The following SOCS7 variants were observed in gnomAD, a reference collection of about 807,000 sequenced individuals.
SOCS7 encodes the protein suppressor of cytokine signaling 7.
A neutral mutation model predicts 58.9 loss-of-function variants in SOCS7; 18 were observed. The observed-to-expected ratio is 0.31, with a 90% CI of 0.21 to 0.45. The LOEUF (loss-of-function observed/expected upper bound fraction) is 0.45. SOCS7 is among the 20% of genes least tolerant of loss of function. The pLI, the probability that SOCS7 is intolerant of heterozygous loss-of-function variation, is 1.00. For synonymous variants in SOCS7, 388 were observed against 364.3 expected (o/e 1.06, Z -0.74); for missense variants, 667 against 837.3 (o/e 0.80, Z 2.51).
chr17:38,368,506 CTT>C (rs11314039), intron 6 of SOCS7, among the ~76,000 whole-genome samples: 13 of 145,746 alleles, frequency 8.9e-5, no homozygotes, highest in Admixed American at 1.4e-4. Flanking sequence ...GAATTTCTTT[CTT>C]TTTTTTTTTT....
chr17:38,392,867 G>T (rs2038189474), intron 7 of SOCS7, among the ~76,000 whole-genome samples: 1 of 152,226 alleles, frequency 6.6e-6, no homozygotes, highest in African/African-American at 2.4e-5. Context: ...TAGGGCAGGT[G>T]TTCAAGGCAG....
intron 7 of SOCS7, among the ~76,000 whole-genome samples, chr17:38,384,884 C>T (rs984164216): frequency 3.9e-4 from 58 of 149,730 alleles, no homozygotes; most frequent in Non-Finnish European, 6.1e-4. Context: ...AGCCACTGCA[C>T]CCAGCTCTTT....
At chr17:38,355,445 G>A (rs1045717914) in intron 1 of SOCS7, among the ~76,000 whole-genome samples, 10 of 152,270 alleles carry the variant, frequency 6.6e-5, no homozygotes, top group Non-Finnish European at 1.3e-4. Context: ...TGGCAGCCTC[G>A]CAGCTGTGAG....
At chr17:38,373,292 A>G (rs2037891140) in intron 6 of SOCS7, among the ~76,000 whole-genome samples, 1 of 152,226 alleles carries the variant, frequency 6.6e-6, no homozygotes. Context: ...TCAAGATAAC[A>G]GAAGACGTAG....
At chr17:38,365,953 T>G in intron 4 of SOCS7, 1 of 1,074,078 alleles carries the variant, frequency 9.3e-7, no homozygotes, top group Non-Finnish European at 1.1e-6. Flanking sequence ...CAAGGCTGCC[T>G]TATCGGCACT....
intron 6 of SOCS7, 103 bp from the exon 7 acceptor site, chr17:38,377,611 C>T: frequency 9.1e-7 from 1 of 1,100,126 alleles, no homozygotes; most frequent in South Asian, 1.9e-5. Flanking sequence ...TGCCCCCAAA[C>T]TGCCCTCCCA....
intron 7 of SOCS7, among the ~76,000 whole-genome samples, chr17:38,389,690 C>CTT (rs58329812): frequency 4.0e-5 from 5 of 124,838 alleles, no homozygotes; most frequent in Admixed American, 8.4e-5. Context: ...CCTATTCCAA[C>CTT]TTTTTTTTTT....
In SOCS7 at chr17:38,352,814, G is replaced by C. The variant is rs1173524234; in HGVS notation, c.762G>C (p.Pro254=). 2 of 1,556,842 alleles carry C rather than the reference G, an allele frequency of 1.3e-6. No individual in the cohort carries two copies. The highest frequency in any genetic ancestry group is 1.2e-5 in the South Asian group (1 of 84,598). The change falls in exon 1 of 10, where the codon CCG becomes CCC. Residue 254 remains proline (P), a synonymous_variant. Coordinates refer to ENST00000612932, the MANE Select transcript of SOCS7 (RefSeq NM_014598.4). This position sits in a 1 kb window ranked among gnomAD's most constrained non-coding sequence, Gnocchi z 5.5. ...QQQQQQQQPP[P]PPPPPGPLRP... ...AGCAGCAGCAGCAGCAACCTCCCCC[G>C]CCCCCGCCTCCTCCCGGGCCCCTCC... is the stretch of plus-strand genomic sequence containing the variant.
At chr17:38,377,879 TGGGTATGATCCA>T in intron 7 of SOCS7, 37 bp downstream of exon 7, 1 of 1,599,764 alleles carries the variant, frequency 6.3e-7, no homozygotes, top group Non-Finnish European at 8.5e-7. Flanking sequence ...TAACTTAAGT[TGGGTATGATCCA>T]GTTTAGTGTC....
chr17:38,352,486 G>T lies in SOCS7; in HGVS notation c.434G>T (p.Cys145Phe). Reference protein sequence around the residue: ...PGVKTVGGGCCPCPCPPQPPP... With the variant: ...PGVKTVGGGCFPCPCPPQPPP... The stretch of plus-strand genomic sequence containing the variant: ...GTCAAGACAGTCGGTGGGGGTTGCT[G>T]CCCGTGTCCGTGTCCTCCTCAGCCG... Residue 145 changes from cysteine (C) to phenylalanine (F), a missense_variant, in exon 1 of 10, where the codon TGC becomes TTC. Cys to Phe is a radical substitution (Grantham distance 205, BLOSUM62 -2). Transcript: ENST00000612932. This position sits in a 1 kb window ranked among gnomAD's most constrained non-coding sequence, Gnocchi z 5.5. 2 of 1,528,644 alleles carry T rather than the reference G, an allele frequency of 1.3e-6. No homozygotes were observed. Among genetic ancestry groups the T allele is most frequent in the Non-Finnish European group, 1.8e-6 (2 of 1,136,886 alleles). 94.7% of individuals were successfully genotyped at this position (1,528,644 alleles called of 1,614,324 possible). A position where few individuals can be genotyped will look rare whatever the true frequency, so the allele number is the denominator to read the frequency against.
Position 38,401,535 on chromosome 17 carries a change from T to C in SOCS7, c.*2053T>C, listed in dbSNP as rs959879212. ...GTGTGCCTGGCTTTGCGCTAGATAT[T>C]GTAGAAAACAAAAAAGGTAAAAGAC... On this transcript the variant is annotated 3_prime_UTR_variant, in exon 10 of 10. Transcript: ENST00000612932. 6.6e-6 allele frequency: 1 copy of C among 152,076 alleles called. No homozygotes were observed. Among genetic ancestry groups the C allele is most frequent in the African/African-American group, 2.4e-5 (1 of 41,392 alleles). 9.4% of individuals were successfully genotyped at this position (152,076 alleles called of 1,614,324 possible).
In SOCS7 at chr17:38,366,296, C is replaced by T. The variant is rs774584907; in HGVS notation, c.1262C>T (p.Pro421Leu). ...CTGTCTTGCCCTGCAGATGCATTTC[C>T]CCGGATTGCTCCCATCCGAGCAGCT... ...PPPPHAPDAF[P>L]RIAPIRAAES... Residue 421 changes from proline to leucine, a missense_variant, in exon 5 of 10, where the codon CCC becomes CTC. This residue lies in a region of SOCS7 where 99 missense variants were observed against 122.9 expected (regional missense o/e 0.81). Coordinates refer to ENST00000612932, the MANE Select transcript of SOCS7 (RefSeq NM_014598.4). The T allele has an allele frequency of 1.2e-6, 2 of 1,613,908 alleles. No individual in the cohort carries two copies. Among genetic ancestry groups the T allele is most frequent in the East Asian group, 4.5e-5 (2 of 44,884 alleles).
Position 38,364,828 on chromosome 17 carries a change from T to C in SOCS7, c.1122T>C (p.Pro374=). ...LTSPHPPTPP[P]PPRRSLSLLD... ...CTCCACACCCTCCAACTCCCCCTCC[T>C]CCTCCGAGAAGAAGCCTCAGCCTCC... The change falls in exon 3 of 10, where the codon CCT becomes CCC. Residue 374 remains proline (P), a synonymous_variant. Transcript: ENST00000612932. 1 of 1,613,838 alleles carries C rather than the reference T, an allele frequency of 6.2e-7. No homozygotes were observed. The highest frequency in any genetic ancestry group is 8.5e-7 in the Non-Finnish European group (1 of 1,179,882).
rs779514402 is a variant in SOCS7 at position 38,352,487 on chromosome 17, C to T, written c.435C>T (p.Cys145=). 42 of 1,528,962 alleles carry T rather than the reference C, an allele frequency of 2.7e-5. No homozygotes were observed. The African/African-American group carries it at 5.1e-4, about 19-fold the overall frequency. 94.7% of individuals were successfully genotyped at this position (1,528,962 alleles called of 1,614,324 possible). A position where few individuals can be genotyped will look rare whatever the true frequency, so the allele number is the denominator to read the frequency against. Residue 145 remains cysteine (C), a synonymous_variant, in exon 1 of 10, where the codon TGC becomes TGT. Coordinates refer to ENST00000612932, the MANE Select transcript of SOCS7 (RefSeq NM_014598.4). This position sits in a 1 kb window ranked among gnomAD's most constrained non-coding sequence, Gnocchi z 5.5. ...TCAAGACAGTCGGTGGGGGTTGCTG[C>T]CCGTGTCCGTGTCCTCCTCAGCCGC... ...PGVKTVGGGC[C]PCPCPPQPPP...
At chr17:38,398,239 GTCT>G (rs1177518037) in intron 9 of SOCS7, among the ~76,000 whole-genome samples, 1 of 148,792 alleles carries the variant, frequency 6.7e-6, no homozygotes, top group Non-Finnish European at 1.5e-5. Context: ...CAAGGGAAAG[GTCT>G]TTTTTTTTTT....
rs587720304 is a variant in SOCS7, at chr17:38,362,701, G to A, written c.1045+926G>A. Among the ~76,000 whole-genome samples the A allele has an allele frequency of 6.6e-5, 10 of 152,302 alleles. No homozygotes were observed. In the South Asian group the frequency reaches 2.1e-3, roughly 32 times the overall value. ...AACAAGTGAATTGGTACCTGTATAGGCATCTACTGTAGTGGAGAAGGAGGT... is the reference window on the plus strand; with the variant it reads ...AACAAGTGAATTGGTACCTGTATAGACATCTACTGTAGTGGAGAAGGAGGT... On this transcript the variant is annotated intron_variant, in intron 2 of 9. Coordinates refer to ENST00000612932, the MANE Select transcript of SOCS7 (RefSeq NM_014598.4).
intron 7 of SOCS7, among the ~76,000 whole-genome samples, chr17:38,392,451 T>C (rs1276163152): frequency 1.3e-5 from 2 of 152,200 alleles, no homozygotes; most frequent in Non-Finnish European, 2.9e-5. Context: ...CCCCCAAAGC[T>C]TTCTGTTTGC....
intron 1 of SOCS7, among the ~76,000 whole-genome samples, chr17:38,356,006 C>T (rs2037632437): frequency 6.6e-6 from 1 of 152,104 alleles, no homozygotes; most frequent in Non-Finnish European, 1.5e-5. Flanking sequence ...GCTTCAGCCT[C>T]CCCAGTAGCT....
chr17:38,389,868 C>CAT (rs1463868655), intron 7 of SOCS7, among the ~76,000 whole-genome samples: 4,096 of 18,680 alleles, frequency 0.22, 645 homozygotes, highest in Middle Eastern at 0.5. Flanking sequence ...TATGTGTGTA[C>CAT]ATATATATAT....
Sources: allele counts gnomAD v4.1 joint callset (sites outside exome capture counted in the v4.1 genomes callset), GRCh38; gene constraint gnomAD v4.1.1; regional missense constraint gnomAD v4.1.1; non-coding constraint Gnocchi (gnomAD v3.1); transcripts MANE v1.5; gene names NCBI Gene and HGNC (gene_info 2026-07-23, HGNC 2026-07-21).